Variants in ADARB2 observed in about 807,000 individuals in gnomAD.
ADARB2 encodes adenosine deaminase RNA specific B2 (inactive).
ADARB2 carries 25 observed loss-of-function variants against 62.2 expected under a neutral mutation model. The ratio of observed to expected loss-of-function variants is 0.40; its 90% confidence interval spans 0.29 to 0.56. The LOEUF is 0.56. Ranked by LOEUF, ADARB2 falls within the 20% of genes least tolerant of loss-of-function variation. The probability of loss-of-function intolerance (pLI) is 0.43; values close to 1 mark genes in which losing one functional copy is unlikely to be tolerated. For missense variants in ADARB2, 1,071 were observed against 1,077.4 expected (o/e 0.99, Z 0.08); for synonymous variants, 572 against 500.8 (o/e 1.14, Z -1.90).
intron 1 of ADARB2, among the ~76,000 whole-genome samples, chr10:1,519,099 C>G (rs899998427): frequency 2.1e-5 from 3 of 143,192 alleles, no homozygotes; most frequent in Non-Finnish European, 4.5e-5. Context: ...CGTCTGTACA[C>G]GGTGTGGTCA....
chr10:1,391,163 A>ATTGCAATGCATTGTGGG (rs1390004023), intron 1 of ADARB2, among the ~76,000 whole-genome samples: 3 of 152,180 alleles, frequency 2.0e-5, no homozygotes, highest in Non-Finnish European at 4.4e-5. Flanking sequence ...GCTGACTGGG[A>ATTGCAATGCATTGTGGG]TTGCAATGCA....
intron 1 of ADARB2, among the ~76,000 whole-genome samples, chr10:1,602,716 GCA>G (rs1159025734): frequency 1.0e-5 from 1 of 96,026 alleles, no homozygotes; most frequent in Non-Finnish European, 2.3e-5. Flanking sequence ...ACACACATAT[GCA>G]CACACACCTG....
At chr10:1,353,829 A>G (rs1340659847) in intron 3 of ADARB2, among the ~76,000 whole-genome samples, 1 of 152,150 alleles carries the variant, frequency 6.6e-6, no homozygotes, top group African/African-American at 2.4e-5. Flanking sequence ...CTTAAAAACC[A>G]GTAGTTATTG....
At chr10:1,513,751 G>C (rs1174695306) in intron 1 of ADARB2, among the ~76,000 whole-genome samples, 1 of 152,174 alleles carries the variant, frequency 6.6e-6, no homozygotes, top group Non-Finnish European at 1.5e-5. Flanking sequence ...GAGAAGCTCT[G>C]GGCCGGTAGA....
At chr10:1,211,374 A>G (rs913866193) in intron 7 of ADARB2, among the ~76,000 whole-genome samples, 1 of 151,438 alleles carries the variant, frequency 6.6e-6, no homozygotes, top group African/African-American at 2.4e-5. Context: ...TCTATCTGTC[A>G]TCTCTATCCA....
At chr10:1,420,652 C>G (rs1205391232) in intron 1 of ADARB2, among the ~76,000 whole-genome samples, 2 of 150,342 alleles carry the variant, frequency 1.3e-5, no homozygotes, top group Admixed American at 6.6e-5. Context: ...GGAAATAGCT[C>G]GGCTGAGAAA....
intron 3 of ADARB2, chr10:1,293,150 A>AGAGG (rs140671800): frequency 0.17 from 12,812 of 75,570 alleles, 1,763 homozygotes; most frequent in East Asian, 0.52. Flanking sequence ...AGAGAGAGGG[A>AGAGG]GAGGGAGGGT....
intron 1 of ADARB2, among the ~76,000 whole-genome samples, chr10:1,430,912 A>G (rs964541199): frequency 4.6e-5 from 7 of 152,262 alleles, no homozygotes; most frequent in African/African-American, 1.7e-4. Flanking sequence ...ATCAAAATAT[A>G]TAAAGCAAAA....
chr10:1,511,203 C>T (rs1292956994), intron 1 of ADARB2, among the ~76,000 whole-genome samples: 5 of 148,602 alleles, frequency 3.4e-5, no homozygotes, highest in Admixed American at 6.7e-5. Context: ...GTGGGCGTAT[C>T]GGGTGGATGC....
At chr10:1,571,213 C>T (rs1245329442) in intron 1 of ADARB2, among the ~76,000 whole-genome samples, 1 of 152,082 alleles carries the variant, frequency 6.6e-6, no homozygotes, top group East Asian at 1.9e-4. Flanking sequence ...AAAGGAGACA[C>T]ACACTTTACT....
Position 1,576,079 on chromosome 10 carries a change from G to A in ADARB2, c.100+160972C>T, listed in dbSNP as rs577520030. 2.8e-5 allele frequency among the ~76,000 whole-genome samples: 4 copies of A among 140,416 alleles called. No homozygotes were observed. The South Asian group carries it at 9.6e-4, about 34-fold the overall frequency. 92.1% of individuals were successfully genotyped at this position (140,416 alleles called of 152,430 possible). A position where few individuals can be genotyped will look rare whatever the true frequency, so the allele number is the denominator to read the frequency against. ...CACAGGAGGGGGCCCAGGGTCACAG[G>A]AGGGGGCTCAGGGCCACGGGAGGGG... On this transcript the variant is annotated intron_variant, in intron 1 of 9. Transcript: ENST00000381312.
intron 8 of ADARB2, among the ~76,000 whole-genome samples, chr10:1,189,757 C>A (rs1836813340): frequency 6.6e-6 from 1 of 150,576 alleles, no homozygotes; most frequent in African/African-American, 2.5e-5. Context: ...ACACGTGGCG[C>A]TACCTCCTTC....
intron 1 of ADARB2, among the ~76,000 whole-genome samples, chr10:1,479,402 A>G (rs1831440858): frequency 6.6e-6 from 1 of 152,206 alleles, no homozygotes; most frequent in South Asian, 2.1e-4. Flanking sequence ...CCTCGGCCTC[A>G]CACGGCGGGT....
chr10:1,178,826 C>T lies in ADARB2; in HGVS notation c.*4367G>A, dbSNP rs575539760. The T allele has an allele frequency of 1.0e-3, 157 of 152,214 alleles. No homozygotes were observed. Among genetic ancestry groups the T allele is most frequent in the African/African-American group, 3.3e-3 (136 of 41,512 alleles). The allele number at this position is 152,214 out of a possible 1,614,324, so 9.4% of individuals were successfully genotyped here. A position where few individuals can be genotyped will look rare whatever the true frequency, so the allele number is the denominator to read the frequency against. On this transcript the variant is annotated 3_prime_UTR_variant, in exon 10 of 10. Coordinates refer to ENST00000381312, the MANE Select transcript of ADARB2 (RefSeq NM_018702.4). ...GGGACTCTGCAGCCTCCCTGAGGGC[C>T]GCGGGAAGCCCACAGAGCCTCACCG...
intron 1 of ADARB2, among the ~76,000 whole-genome samples, chr10:1,580,600 C>T (rs573875952): frequency 4.0e-4 from 60 of 151,760 alleles, no homozygotes; most frequent in Non-Finnish European, 5.3e-4. Context: ...CCCACAAATG[C>T]ACAACCACCC....
At chr10:1,664,188 G>A (rs1834285241) in intron 1 of ADARB2, among the ~76,000 whole-genome samples, 2 of 151,902 alleles carry the variant, frequency 1.3e-5, no homozygotes, top group South Asian at 4.2e-4. Flanking sequence ...GGGTCAGTAT[G>A]TGGGTTTCTG....
intron 3 of ADARB2, among the ~76,000 whole-genome samples, chr10:1,355,358 T>A (rs1409748284): frequency 1.3e-5 from 2 of 152,238 alleles, no homozygotes; most frequent in African/African-American, 2.4e-5. Context: ...AGCTGAGCTC[T>A]GCTGTCTGTA....
intron 7 of ADARB2, among the ~76,000 whole-genome samples, chr10:1,200,874 G>A (rs971030014): frequency 1.3e-5 from 2 of 152,046 alleles, no homozygotes; most frequent in Non-Finnish European, 2.9e-5. Context: ...CAAGCGTTAC[G>A]TAGCTAATTT....
intron 1 of ADARB2, among the ~76,000 whole-genome samples, chr10:1,627,813 C>T (rs1157801701): frequency 6.6e-6 from 1 of 152,196 alleles, no homozygotes; most frequent in Non-Finnish European, 1.5e-5. Context: ...TCAAATAAAA[C>T]CGAGACACAG....
Sources: allele counts gnomAD v4.1 joint callset (sites outside exome capture counted in the v4.1 genomes callset), GRCh38; gene constraint gnomAD v4.1.1; transcripts MANE v1.5; gene names NCBI Gene and HGNC (gene_info 2026-07-23, HGNC 2026-07-21).